The following MLLT10 variants were observed in gnomAD, a reference collection of about 807,000 sequenced individuals.
MLLT10 encodes protein AF-10.
Under a neutral mutation model 129.1 loss-of-function variants are expected in MLLT10, and 30 were observed. The observed-to-expected ratio is 0.23, with a 90% CI of 0.17 to 0.32. The LOEUF (loss-of-function observed/expected upper bound fraction) is 0.32. MLLT10 is among the 10% of genes least tolerant of loss of function. The probability of loss-of-function intolerance (pLI) is 1.00; values close to 1 mark genes in which losing one functional copy is unlikely to be tolerated. For missense variants in MLLT10, 1,119 were observed against 1,268.3 expected (o/e 0.88, Z 1.79); for synonymous variants, 490 against 446.4 (o/e 1.10, Z -1.23).
chr10:21,534,672 C>T lies in MLLT10; in HGVS notation c.28C>T (p.Leu10=), dbSNP rs140064167. The change falls in exon 2 of 23, where the codon CTG becomes TTG. Residue 10 remains leucine, a synonymous_variant. Transcript: ENST00000307729. MVSSDRPVS[L]EDEVSHSMKE... is the part of the protein sequence containing the mutation. Reference sequence around the variant, plus strand: ...GGTCTCTAGCGACCGGCCCGTGTCACTGGAGGACGAGGTCTCCCATAGTAT... The same window carrying T: ...GGTCTCTAGCGACCGGCCCGTGTCATTGGAGGACGAGGTCTCCCATAGTAT... 1.2e-6 allele frequency: 2 copies of T among 1,612,182 alleles called. No individual in the cohort carries two copies. The highest frequency in any genetic ancestry group is 1.7e-5 in the Admixed American group (1 of 59,782).
intron 13 of MLLT10, among the ~76,000 whole-genome samples, chr10:21,690,902 T>C (rs964695231): frequency 6.6e-6 from 1 of 152,162 alleles, no homozygotes; most frequent in Admixed American, 6.5e-5. Flanking sequence ...TTTTTACTTT[T>C]GTCAGTATAC....
At position 21,673,746 on chromosome 10, in the gene MLLT10, G is replaced by A; in HGVS notation, c.1448G>A (p.Gly483Glu). The change falls in exon 11 of 23, where the codon GGA becomes GAA. Residue 483 changes from glycine to glutamate, a missense_variant. By Grantham distance (98) the Gly-to-Glu change is moderately conservative. Transcript: ENST00000307729. Reference protein sequence around the residue: ...QSKHGPGRPKGNKNQENVSHL... With the variant: ...QSKHGPGRPKENKNQENVSHL... ...AAGCATGGGCCTGGCAGACCCAAAG[G>A]AAACAAAAATCAAGAGAATGTTTCT... 6.2e-7 allele frequency: 1 copy of A among 1,614,054 alleles called. No individual in the cohort carries two copies. The highest frequency in any genetic ancestry group is 1.1e-5 in the South Asian group (1 of 91,068).
intron 8 of MLLT10, among the ~76,000 whole-genome samples, chr10:21,618,817 CT>C (rs751299730): frequency 3.3e-5 from 5 of 151,962 alleles, no homozygotes; most frequent in Non-Finnish European, 1.5e-5. Flanking sequence ...ATTGCAACCT[CT>C]GCTTCCCGGG....
At chr10:21,693,550 C>T (rs1014557713) in intron 13 of MLLT10, among the ~76,000 whole-genome samples, 2 of 152,038 alleles carry the variant, frequency 1.3e-5, no homozygotes, top group African/African-American at 2.4e-5. Flanking sequence ...GTTCTACAAG[C>T]ACACACTCGT....
rs374230183 is a variant in MLLT10 at position 21,612,365 on chromosome 10, T to C, written c.423T>C (p.Asp141=). The C allele has an allele frequency of 6.8e-6, 11 of 1,608,976 alleles. No individual in the cohort carries two copies. The highest frequency in any genetic ancestry group is 4.0e-5 in the African/African-American group (3 of 74,690). The part of the protein sequence containing the change: ...DRYNKTCYIC[D]EQGRESKAAT... ...ACCCCAAGACTTGCTACATTTGTGA[T>C]GAACAAGGAAGAGAAAGCAAAGCAG... Residue 141 remains aspartate (D), a synonymous_variant, in exon 6 of 23, where the codon GAT becomes GAC. Transcript: ENST00000307729.
intron 5 of MLLT10, among the ~76,000 whole-genome samples, chr10:21,608,685 T>C (rs916605189): frequency 2.0e-5 from 3 of 152,166 alleles, no homozygotes; most frequent in African/African-American, 7.2e-5. Context: ...GGCTGTTCTT[T>C]AGGTTGTATA....
intron 3 of MLLT10, among the ~76,000 whole-genome samples, chr10:21,552,953 G>A (rs1005810173): frequency 2.6e-5 from 4 of 151,206 alleles, no homozygotes; most frequent in Non-Finnish European, 4.4e-5. Context: ...CCTTCTTCTG[G>A]GTACCATCTG....
At chr10:21,663,259 A>G (rs897849369) in intron 9 of MLLT10, among the ~76,000 whole-genome samples, 2 of 152,168 alleles carry the variant, frequency 1.3e-5, no homozygotes, top group Non-Finnish European at 1.5e-5. Flanking sequence ...CTGTGCCTCC[A>G]GCAGTATCAA....
chr10:21,688,420 A>G, intron 13 of MLLT10: 1 of 1,303,154 alleles, frequency 7.7e-7, no homozygotes, highest in Non-Finnish European at 1.1e-6. Flanking sequence ...CAGTTTTTCA[A>G]CTTGTCTGTC....
chr10:21,713,732 A>C, intron 13 of MLLT10, 40 bp from the exon 14 acceptor site: 1 of 1,559,028 alleles, frequency 6.4e-7, no homozygotes, highest in Non-Finnish European at 8.7e-7. Context: ...GACAAATTTG[A>C]CTGCTAAGTT....
chr10:21,625,510 A>G (rs1410663347), intron 8 of MLLT10: 3 of 926,346 alleles, frequency 3.2e-6, no homozygotes, highest in African/African-American at 1.6e-5. Flanking sequence ...ATTTCCCCAT[A>G]CTTTTACTTT....
intron 9 of MLLT10, among the ~76,000 whole-genome samples, chr10:21,667,498 T>G (rs1301417870): frequency 6.6e-6 from 1 of 151,894 alleles, no homozygotes; most frequent in African/African-American, 2.4e-5. Context: ...TTAGGCTACT[T>G]AAGGTTGTTC....
chr10:21,673,233 T>A (rs567722136), intron 10 of MLLT10, 117 bp from the exon 11 acceptor site: 1 of 603,856 alleles, frequency 1.7e-6, no homozygotes, highest in Non-Finnish European at 2.6e-6. Context: ...TTAATTTTTT[T>A]AAACTCTTCT....
intron 8 of MLLT10, among the ~76,000 whole-genome samples, chr10:21,646,463 C>A (rs1269429810): frequency 6.6e-6 from 1 of 150,558 alleles, no homozygotes; most frequent in African/African-American, 2.4e-5. Flanking sequence ...TACCTACTTT[C>A]TTTAAATTTT....
chr10:21,698,447 CACTT>C (rs2054578483), intron 13 of MLLT10, among the ~76,000 whole-genome samples: 1 of 152,206 alleles, frequency 6.6e-6, no homozygotes. Context: ...GTATATACTA[CACTT>C]TCTTTATCCA....
chr10:21,657,386 C>CT (rs1408088923), intron 9 of MLLT10, among the ~76,000 whole-genome samples: 2 of 115,266 alleles, frequency 1.7e-5, no homozygotes, highest in African/African-American at 7.1e-5. Flanking sequence ...GAGCGAGACT[C>CT]TGTCTCAAAA....
intron 3 of MLLT10, among the ~76,000 whole-genome samples, chr10:21,573,802 G>A (rs548191291): frequency 1.2e-4 from 19 of 152,064 alleles, no homozygotes; most frequent in African/African-American, 3.9e-4. Context: ...TGATCCTCCC[G>A]CCTTGGCCTC....
chr10:21,626,366 G>C (rs1448913202), intron 8 of MLLT10: 2 of 656,154 alleles, frequency 3.0e-6, no homozygotes, highest in Non-Finnish European at 5.4e-6. Flanking sequence ...TCTCGCACGC[G>C]TGCCACCCCC....
At chr10:21,593,751 A>T (rs949157288) in intron 4 of MLLT10, among the ~76,000 whole-genome samples, 13 of 151,630 alleles carry the variant, frequency 8.6e-5, no homozygotes, top group African/African-American at 3.2e-4. Flanking sequence ...ACATAGTGAA[A>T]CATGGTCTCT....
Sources: allele counts gnomAD v4.1 joint callset (sites outside exome capture counted in the v4.1 genomes callset), GRCh38; gene constraint gnomAD v4.1.1; transcripts MANE v1.5; gene names NCBI Gene and HGNC (gene_info 2026-07-23, HGNC 2026-07-21).